VAMP3: variants seen among roughly 807,000 people sequenced by gnomAD.
The protein encoded by VAMP3 is vesicle associated membrane protein 3.
In VAMP3, 11 loss-of-function variants were observed where a neutral mutation model predicts 18.1. That is an observed-to-expected ratio of 0.61 (90% CI 0.38 to 1.00). VAMP3 has a LOEUF of 1.00. VAMP3 is among the 50% of genes least tolerant of loss of function. The probability of loss-of-function intolerance (pLI) is 0.01; values close to 1 mark genes in which losing one functional copy is unlikely to be tolerated. For missense variants in VAMP3, 122 were observed against 127.3 expected (o/e 0.96, Z 0.20); for synonymous variants, 49 against 43.1 (o/e 1.14, Z -0.53).
At chr1:7,777,434 C>T (rs547189805) in intron 3 of VAMP3, 116 bp downstream of exon 3, 2 of 1,326,118 alleles carry the variant, frequency 1.5e-6, no homozygotes, top group African/African-American at 1.5e-5. Context: ...ACTTCCTCCA[C>T]ATGGAAATGT....
chr1:7,780,425 C>A lies in VAMP3; in HGVS notation c.*780C>A, dbSNP rs1385184095. On this transcript the variant is annotated 3_prime_UTR_variant, in exon 5 of 5. Coordinates refer to ENST00000054666, the MANE Select transcript of VAMP3 (RefSeq NM_004781.4). Reference sequence around the variant, plus strand: ...CAAGGTGCCCCTTCAGAATTAAAATCATTACCTTGTGTGTGAACCTTCTAC... The same window carrying A: ...CAAGGTGCCCCTTCAGAATTAAAATAATTACCTTGTGTGTGAACCTTCTAC... 2.0e-5 allele frequency: 3 copies of A among 152,796 alleles called. No homozygotes were observed. Among genetic ancestry groups the A allele is most frequent in the African/African-American group, 7.2e-5 (3 of 41,456 alleles). The allele number at this position is 152,796 out of a possible 1,614,324, so 9.5% of individuals were successfully genotyped here.
intron 2 of VAMP3, among the ~76,000 whole-genome samples, chr1:7,775,493 G>A (rs149842410): frequency 1.8e-4 from 27 of 152,062 alleles, no homozygotes; most frequent in Non-Finnish European, 2.9e-4. Flanking sequence ...GATTACAGGC[G>A]CCCGCCACCT....
chr1:7,774,427 C>A (rs2097053117), intron 2 of VAMP3, among the ~76,000 whole-genome samples: 1 of 151,928 alleles, frequency 6.6e-6, no homozygotes, highest in Admixed American at 6.6e-5. Context: ...TAACATACAA[C>A]TAAACATTTT....
Position 7,779,701 on chromosome 1 carries a change from T to C in VAMP3, c.*56T>C. 6.2e-7 allele frequency: 1 copy of C among 1,611,146 alleles called. No homozygotes were observed. The highest frequency in any genetic ancestry group is 8.5e-7 in the Non-Finnish European group (1 of 1,177,560). ...AGAAACCTCTTCAAGACTTTTGACTTAGAACCTGCTATATTATCAAGCTTA... is the reference window on the plus strand; with the variant it reads ...AGAAACCTCTTCAAGACTTTTGACTCAGAACCTGCTATATTATCAAGCTTA... On this transcript the variant is annotated 3_prime_UTR_variant, in exon 5 of 5. Transcript: ENST00000054666.
At position 7,780,357 on chromosome 1, in the gene VAMP3, T is replaced by A. The variant is rs1188131204; in HGVS notation, c.*712T>A. ...TAAATACCGATAAAATGGCCTTAAG[T>A]GTATTCCTGACAGTTAAATTCAGAA... On this transcript the variant is annotated 3_prime_UTR_variant, in exon 5 of 5. Coordinates refer to ENST00000054666, the MANE Select transcript of VAMP3 (RefSeq NM_004781.4). 1 of 152,834 alleles carries A rather than the reference T, an allele frequency of 6.5e-6. No homozygotes were observed. Among genetic ancestry groups the A allele is most frequent in the Non-Finnish European group, 1.5e-5 (1 of 68,052 alleles). 9.5% of individuals were successfully genotyped at this position (152,834 alleles called of 1,614,324 possible). A position where few individuals can be genotyped will look rare whatever the true frequency, so the allele number is the denominator to read the frequency against.
intron 3 of VAMP3, among the ~76,000 whole-genome samples, 158 bp from the exon 4 acceptor site, chr1:7,777,960 T>G (rs905125949): frequency 1.3e-5 from 2 of 152,222 alleles, no homozygotes; most frequent in Admixed American, 1.3e-4. Context: ...AGGCCCTAAT[T>G]GAGAACATTT....
chr1:7,771,928 A>G (rs2097051265), intron 1 of VAMP3, among the ~76,000 whole-genome samples: 1 of 152,226 alleles, frequency 6.6e-6, no homozygotes, highest in Non-Finnish European at 1.5e-5. Context: ...TAAGACTCAG[A>G]GAATGCTAAT....
intron 2 of VAMP3, among the ~76,000 whole-genome samples, chr1:7,775,709 T>G (rs1344999134): frequency 6.6e-6 from 1 of 152,254 alleles, no homozygotes; most frequent in Non-Finnish European, 1.5e-5. Flanking sequence ...GTATCTGTTT[T>G]TCCTTTTGTT....
chr1:7,771,367 C>A lies in VAMP3; in HGVS notation c.-17C>A. 6.3e-7 allele frequency: 1 copy of A among 1,593,446 alleles called. No homozygotes were observed. Among genetic ancestry groups the A allele is most frequent in the Non-Finnish European group, 8.5e-7 (1 of 1,173,156 alleles). On this transcript the variant is annotated 5_prime_UTR_variant, in exon 1 of 5. Coordinates refer to ENST00000054666, the MANE Select transcript of VAMP3 (RefSeq NM_004781.4). ...TGACCCTCTCTCGTCGCCGCTGCCG[C>A]CGCCGCAGCTGCCAAAATGTGAGTG...
Position 7,777,239 on chromosome 1 carries a change from A to G in VAMP3, c.152A>G (p.Asp51Gly). ...QKLSELDDRA[D>G]ALQAGASQFE... ...CTCTCTGAGTTAGACGACCGTGCAG[A>G]CGCACTGCAGGCAGGCGCTTCTCAA... Residue 51 changes from aspartate to glycine, a missense_variant, in exon 3 of 5, where the codon GAC becomes GGC. By Grantham distance (94) the Asp-to-Gly change is moderately conservative. Coordinates refer to ENST00000054666, the MANE Select transcript of VAMP3 (RefSeq NM_004781.4). 2 of 1,613,892 alleles carry G rather than the reference A, an allele frequency of 1.2e-6. No homozygotes were observed. The highest frequency in any genetic ancestry group is 1.7e-6 in the Non-Finnish European group (2 of 1,179,954).
chr1:7,773,447 C>T lies in VAMP3; in HGVS notation c.8C>T (p.Thr3Ile), dbSNP rs781121112. Reference sequence around the variant, plus strand: ...CATGCCTTTACATGTTCCAGGTCTACAGGTCCAACTGCTGCCACTGGCAGT... The same window carrying T: ...CATGCCTTTACATGTTCCAGGTCTATAGGTCCAACTGCTGCCACTGGCAGT... MS[T>I]GPTAATGSNR... The change falls in exon 2 of 5, where the codon ACA becomes ATA. Residue 3 changes from threonine (T) to isoleucine (I), a missense_variant. Coordinates refer to ENST00000054666, the MANE Select transcript of VAMP3 (RefSeq NM_004781.4). The T allele has an allele frequency of 2.5e-6, 4 of 1,613,984 alleles. No homozygotes were observed. The South Asian group carries it at 4.4e-5, about 18-fold the overall frequency.
intron 1 of VAMP3, among the ~76,000 whole-genome samples, chr1:7,771,665 C>A (rs2097051008): frequency 6.6e-6 from 1 of 152,244 alleles, no homozygotes; most frequent in Non-Finnish European, 1.5e-5. Context: ...CGCTCCTCGC[C>A]CCTTCCCTTT....
chr1:7,776,814 C>G, intron 2 of VAMP3: 1 of 120,252 alleles, frequency 8.3e-6, no homozygotes, highest in Non-Finnish European at 1.8e-5. Flanking sequence ...CTCTGTGCCT[C>G]CATTTTTTTT....
chr1:7,781,193 C>CG lies in VAMP3; in HGVS notation c.*1550dup, dbSNP rs1384852291. 6.5e-6 allele frequency: 1 copy of CG among 152,752 alleles called. No homozygotes were observed. Among genetic ancestry groups the CG allele is most frequent in the Non-Finnish European group, 1.5e-5 (1 of 68,048 alleles). The allele number at this position is 152,752 out of a possible 1,614,324, so 9.5% of individuals were successfully genotyped here. A position where few individuals can be genotyped will look rare whatever the true frequency, so the allele number is the denominator to read the frequency against. ...GATTTACTGTTGAAGAGATGCCTTG[C>CG]GGTGTGGCCAGCTGTGAGGAGAAAG... On this transcript the variant is annotated 3_prime_UTR_variant, in exon 5 of 5. Coordinates refer to ENST00000054666, the MANE Select transcript of VAMP3 (RefSeq NM_004781.4).
At chr1:7,778,301 G>T (rs1344718699) in intron 4 of VAMP3, 132 bp downstream of exon 4, 3 of 1,075,122 alleles carry the variant, frequency 2.8e-6, no homozygotes, top group Admixed American at 3.6e-5. Flanking sequence ...GGTGACTCAT[G>T]CCTGTAATCC....
chr1:7,778,197 G>A, intron 4 of VAMP3, 28 bp downstream of exon 4: 2 of 1,612,780 alleles, frequency 1.2e-6, no homozygotes, highest in Non-Finnish European at 1.7e-6. Flanking sequence ...AAACTGATTG[G>A]AAAAGTCTTC....
Position 7,779,642 on chromosome 1 carries a change from A to T in VAMP3, c.300A>T (p.Ser100=). 1 of 1,614,170 alleles carries T rather than the reference A, an allele frequency of 6.2e-7. No homozygotes were observed. Among genetic ancestry groups the T allele is most frequent in the Non-Finnish European group, 8.5e-7 (1 of 1,180,036 alleles). The change falls in exon 5 of 5, where the codon TCA becomes TCT. Residue 100 remains serine, a synonymous_variant. Coordinates refer to ENST00000054666, the MANE Select transcript of VAMP3 (RefSeq NM_004781.4). ...IIIIIVWVVS[S] is the part of the protein sequence containing the mutation. ...CCTTCTTAGTGTGGGTTGTCTCTTCATGAAGAACCAGCGGAACTCAAAACT... is the reference window on the plus strand; with the variant it reads ...CCTTCTTAGTGTGGGTTGTCTCTTCTTGAAGAACCAGCGGAACTCAAAACT...
At chr1:7,777,351 C>T in intron 3 of VAMP3, 33 bp downstream of exon 3, 1 of 1,584,102 alleles carries the variant, frequency 6.3e-7, no homozygotes, top group Non-Finnish European at 8.6e-7. Context: ...TTACATTTAA[C>T]CCCCCTTCTC....
chr1:7,777,860 C>T (rs920640530), intron 3 of VAMP3, among the ~76,000 whole-genome samples: 1 of 152,178 alleles, frequency 6.6e-6, no homozygotes, highest in Non-Finnish European at 1.5e-5. Context: ...GCAGCCTTTC[C>T]ATATGTGGAA....
Sources: allele counts gnomAD v4.1 joint callset (sites outside exome capture counted in the v4.1 genomes callset), GRCh38; gene constraint gnomAD v4.1.1; transcripts MANE v1.5; gene names NCBI Gene and HGNC (gene_info 2026-07-23, HGNC 2026-07-21).